ABCB5: variants seen among roughly 807,000 people sequenced by gnomAD.
The protein encoded by ABCB5 is ATP binding cassette subfamily B member 5, also known as ATP-binding cassette sub-family B member 5.
In ABCB5, 155 loss-of-function variants were observed where a neutral mutation model predicts 144.2. That is an observed-to-expected ratio of 1.08 (90% confidence interval 0.94 to 1.23). The LOEUF (loss-of-function observed/expected upper bound fraction) is 1.23, where lower values mean the gene tolerates loss of function less well. ABCB5 is among the 50% of genes most tolerant of loss of function. The pLI, the probability that ABCB5 is intolerant of heterozygous loss-of-function variation, is 0.00. For synonymous variants in ABCB5, 610 were observed against 528.6 expected (o/e 1.15, Z -2.11); for missense variants, 1,830 against 1,520.8 (o/e 1.20, Z -3.38).
Position 20,723,169 on chromosome 7 carries a change from A to G in ABCB5, c.2575A>G (p.Met859Val). The G allele has an allele frequency of 6.2e-7, 1 of 1,614,182 alleles. No homozygotes were observed. Residue 859 changes from methionine to valine, a missense_variant, in exon 21 of 28, where the codon ATG becomes GTG. Transcript: ENST00000404938. ...GACAGGAATGATTGAAACCGCAGCA[A>G]TGACTGGATTTGCCAACAAAGATAA... is the stretch of plus-strand genomic sequence containing the variant. ...AVTGMIETAAMTGFANKDKQE... is the reference protein window; with the variant it reads ...AVTGMIETAAVTGFANKDKQE...
intron 13 of ABCB5, among the ~76,000 whole-genome samples, chr7:20,653,633 T>C (rs1210375311): frequency 6.6e-6 from 1 of 152,164 alleles, no homozygotes; most frequent in Non-Finnish European, 1.5e-5. Flanking sequence ...GAATTCTGTC[T>C]GGGAACACTG....
chr7:20,632,037 T>A, intron 4 of ABCB5, 22 bp from the exon 5 acceptor site: 1 of 1,465,486 alleles, frequency 6.8e-7, no homozygotes, highest in South Asian at 1.3e-5. Flanking sequence ...TTCCTCTATA[T>A]TTTAAATAAC....
intron 26 of ABCB5, among the ~76,000 whole-genome samples, chr7:20,751,578 G>A (rs1428282462): frequency 2.0e-5 from 3 of 152,204 alleles, no homozygotes; most frequent in Admixed American, 1.3e-4. Flanking sequence ...ACTGCAAAGT[G>A]ATTCCTAGTT....
chr7:20,676,279 C>G (rs550830048), intron 14 of ABCB5, among the ~76,000 whole-genome samples: 1 of 149,908 alleles, frequency 6.7e-6, no homozygotes, highest in East Asian at 1.9e-4. Flanking sequence ...GTCAGTATCT[C>G]GAAGAGGTAT....
At chr7:20,615,957 G>GTA (rs1416304709) in intron 1 of ABCB5, 120 bp downstream of exon 1, 1 of 152,256 alleles carries the variant, frequency 6.6e-6, no homozygotes, top group African/African-American at 2.4e-5. Flanking sequence ...AAATGTGTGT[G>GTA]TATGAAACTT....
intron 26 of ABCB5, among the ~76,000 whole-genome samples, chr7:20,750,321 T>C (rs764692960): frequency 7.5e-5 from 9 of 119,462 alleles, no homozygotes; most frequent in Non-Finnish European, 1.5e-4. Context: ...AAATGTACAA[T>C]GCACTGAGCA....
At chr7:20,653,555 C>T (rs1047505342) in intron 13 of ABCB5, among the ~76,000 whole-genome samples, 2 of 152,142 alleles carry the variant, frequency 1.3e-5, no homozygotes, top group African/African-American at 4.8e-5. Context: ...CAGTCATTTC[C>T]ATGCATTGGA....
At chr7:20,674,785 A>ACAC (rs1562555755) in intron 14 of ABCB5, among the ~76,000 whole-genome samples, 8 of 120,376 alleles carry the variant, frequency 6.6e-5, no homozygotes, top group African/African-American at 1.9e-4. Context: ...CACACACACA[A>ACAC]ACTGTTAGAA....
At chr7:20,729,785 T>G (rs1412267000) in intron 23 of ABCB5, among the ~76,000 whole-genome samples, 1 of 152,192 alleles carries the variant, frequency 6.6e-6, no homozygotes, top group African/African-American at 2.4e-5. Context: ...TATCAGCCTC[T>G]TCACAATAAT....
intron 26 of ABCB5, among the ~76,000 whole-genome samples, chr7:20,747,391 G>A (rs1782761795): frequency 6.6e-6 from 1 of 152,152 alleles, no homozygotes; most frequent in African/African-American, 2.4e-5. Flanking sequence ...CCGAATAGGT[G>A]GGATCACAGG....
intron 21 of ABCB5, among the ~76,000 whole-genome samples, chr7:20,726,483 T>C (rs12671464): frequency 0.75 from 112,565 of 151,030 alleles, 42,364 homozygotes; most frequent in East Asian, 0.92. Flanking sequence ...TCTCGTGCCT[T>C]AGCTTCCTGA....
At chr7:20,723,437 C>G (rs2128049891) in intron 21 of ABCB5, among the ~76,000 whole-genome samples, 1 of 152,266 alleles carries the variant, frequency 6.6e-6, no homozygotes, top group East Asian at 1.9e-4. Context: ...TGATTTAGAG[C>G]ACAGGCTCTG....
intron 14 of ABCB5, among the ~76,000 whole-genome samples, chr7:20,661,534 C>CTCTTTTTTTTTTTTTTTTTTTTTTT (rs1406657803): frequency 2.3e-5 from 3 of 132,388 alleles, no homozygotes; most frequent in Non-Finnish European, 4.7e-5. Context: ...TCTTTCTTTT[C>CTCTTTTTTTTTTTTTTTTTTTTTTT]TTTTTCTTTT....
At chr7:20,716,162 A>G (rs1781668555) in intron 20 of ABCB5, among the ~76,000 whole-genome samples, 1 of 152,218 alleles carries the variant, frequency 6.6e-6, no homozygotes, top group South Asian at 2.1e-4. Context: ...TATCCTTTCG[A>G]CAATATAGAT....
rs17143304 is a variant in ABCB5 at position 20,728,331 on chromosome 7, G to A, written c.2743G>A (p.Ala915Thr). ...ACATTCCAGAAATACCTCGAAGAAAGCACAGATTATTGGAAGCTGTTATGC... is the reference window on the plus strand; with the variant it reads ...ACATTCCAGAAATACCTCGAAGAAAACACAGATTATTGGAAGCTGTTATGC... Reference protein sequence around the residue: ...QTQHRNTSKKAQIIGSCYAFS... With the variant: ...QTQHRNTSKKTQIIGSCYAFS... Residue 915 changes from alanine to threonine, a missense_variant, in exon 23 of 28, where the codon GCA becomes ACA. Coordinates refer to ENST00000404938, the MANE Select transcript of ABCB5 (RefSeq NM_001163941.2). The A allele has an allele frequency of 0.02, 32,023 of 1,613,860 alleles. 1,706 individuals carry two copies. The African/African-American group carries it at 0.2, about 10-fold the overall frequency.
chr7:20,717,651 C>T (rs1038582169), intron 20 of ABCB5, among the ~76,000 whole-genome samples: 43 of 151,680 alleles, frequency 2.8e-4, no homozygotes, highest in Non-Finnish European at 4.3e-4. Flanking sequence ...GTTGATAAGG[C>T]TGGTCTCAGA....
intron 18 of ABCB5, 26 bp downstream of exon 18, chr7:20,699,955 G>A (rs760899109): frequency 6.2e-7 from 1 of 1,601,750 alleles, no homozygotes; most frequent in Non-Finnish European, 8.5e-7. Context: ...ACAAGCCTGA[G>A]CATGATTACT....
At chr7:20,702,418 T>A (rs1786658743) in intron 19 of ABCB5, among the ~76,000 whole-genome samples, 2 of 152,032 alleles carry the variant, frequency 1.3e-5, no homozygotes. Flanking sequence ...AGGTAATGAG[T>A]CCTGGAGCAT....
chr7:20,683,559 T>C (rs970986118), intron 15 of ABCB5, among the ~76,000 whole-genome samples: 23 of 128,636 alleles, frequency 1.8e-4, no homozygotes, highest in Middle Eastern at 3.8e-3. Context: ...TTATAGGTCT[T>C]AAGTTAAATG....
Sources: allele counts gnomAD v4.1 joint callset (sites outside exome capture counted in the v4.1 genomes callset), GRCh38; gene constraint gnomAD v4.1.1; transcripts MANE v1.5; gene names NCBI Gene and HGNC (gene_info 2026-07-23, HGNC 2026-07-21).